The following ACTR3C variants were observed in gnomAD, a reference collection of about 807,000 sequenced individuals.
The protein encoded by ACTR3C is actin related protein 3C, also known as actin-related protein 3C.
ACTR3C carries 18 observed loss-of-function variants against 26.3 expected under a neutral mutation model. The observed-to-expected ratio is 0.68, with a 90% CI of 0.47 to 1.01. The LOEUF (loss-of-function observed/expected upper bound fraction) is 1.01, where lower values mean the gene tolerates loss of function less well. Among genes scored for constraint, ACTR3C ranks in the 50% least tolerant of loss-of-function variants. The pLI, the probability that ACTR3C is intolerant of heterozygous loss-of-function variation, is 0.00. For synonymous variants in ACTR3C, 55 were observed against 94.5 expected (o/e 0.58, Z 2.42); for missense variants, 184 against 250.7 (o/e 0.73, Z 1.80).
chr7:150,209,206 C>CAGAGAG, the ACTR3C span, among the ~76,000 whole-genome samples: 19 of 136,234 alleles, frequency 1.4e-4, no homozygotes, highest in East Asian at 2.2e-3. Flanking sequence ...CACACACATA[C>CAGAGAG]AGAGAGAGAG....
the ACTR3C span, among the ~76,000 whole-genome samples, chr7:150,149,118 TA>T: frequency 8.8e-6 from 1 of 114,162 alleles, no homozygotes; most frequent in Non-Finnish European, 1.9e-5. Context: ...TATATATATA[TA>T]TATATATGCA....
downstream of ACTR3C, chr7:150,244,503 AG>A (rs1212513345): frequency 6.6e-6 from 1 of 152,020 alleles, no homozygotes; most frequent in African/African-American, 2.4e-5. Context: ...ATAATTGATT[AG>A]TTCCTGTTAG....
chr7:150,180,253 C>G, the ACTR3C span, among the ~76,000 whole-genome samples: 6 of 145,540 alleles, frequency 4.1e-5, no homozygotes, highest in African/African-American at 1.6e-4. Context: ...TGCAGTGAGC[C>G]GAGATCGCGC....
At chr7:149,995,624 C>A in the ACTR3C span, among the ~76,000 whole-genome samples, 2 of 152,240 alleles carry the variant, frequency 1.3e-5, no homozygotes, top group Admixed American at 1.3e-4. Context: ...ACAGGATGAA[C>A]AACTGATCTG....
the ACTR3C span, among the ~76,000 whole-genome samples, chr7:150,068,464 A>G: frequency 1.1e-3 from 169 of 152,144 alleles, 6 homozygotes; most frequent in South Asian, 0.034. Context: ...CAGATATCCA[A>G]TTTTGAGTTT....
the ACTR3C span, among the ~76,000 whole-genome samples, chr7:150,223,236 G>T: frequency 2.0e-5 from 3 of 152,076 alleles, no homozygotes; most frequent in South Asian, 4.2e-4. Flanking sequence ...TCATGTTTTT[G>T]CATGTCTCAG....
the ACTR3C span, among the ~76,000 whole-genome samples, chr7:149,895,412 G>T: frequency 6.6e-6 from 1 of 152,126 alleles, no homozygotes; most frequent in Non-Finnish European, 1.5e-5. Flanking sequence ...CCACAAAAAT[G>T]ATGACTATAT....
chr7:150,262,344 C>G (rs1233046376), intron 6 of ACTR3C, among the ~76,000 whole-genome samples: 2 of 152,244 alleles, frequency 1.3e-5, no homozygotes, highest in Admixed American at 1.3e-4. Flanking sequence ...GCCTTGTCAA[C>G]TTAGACATAG....
the ACTR3C span, among the ~76,000 whole-genome samples, chr7:150,019,084 A>G: frequency 1.3e-5 from 2 of 150,464 alleles, no homozygotes; most frequent in East Asian, 3.8e-4. Context: ...TGACAACACA[A>G]CTACTTTCAG....
At chr7:150,250,207 T>TC (rs1832738981) in intron 6 of ACTR3C, among the ~76,000 whole-genome samples, 2 of 139,032 alleles carry the variant, frequency 1.4e-5, no homozygotes, top group Admixed American at 6.7e-5. Flanking sequence ...TCTGACTTTT[T>TC]TTTTTTTTTT....
the ACTR3C span, among the ~76,000 whole-genome samples, chr7:150,095,021 G>A: frequency 3.3e-5 from 4 of 120,950 alleles, no homozygotes; most frequent in South Asian, 2.6e-4. Context: ...CACAATCCCC[G>A]AGGTCCAGCC....
the ACTR3C span, among the ~76,000 whole-genome samples, chr7:150,058,887 C>A: frequency 2.0e-5 from 3 of 152,106 alleles, no homozygotes; most frequent in African/African-American, 7.2e-5. Context: ...TCACTGCACT[C>A]CAGCCTGGCC....
chr7:149,929,723 G>T, the ACTR3C span, among the ~76,000 whole-genome samples: 70,788 of 151,532 alleles, frequency 0.47, 16,621 homozygotes, highest in South Asian at 0.55. Context: ...TAGAGACGGG[G>T]TTTCACCATG....
the ACTR3C span, among the ~76,000 whole-genome samples, chr7:150,003,353 T>TA: frequency 6.6e-6 from 1 of 151,982 alleles, no homozygotes; most frequent in Admixed American, 6.6e-5. Flanking sequence ...GAATGTGTGG[T>TA]ATGTGGTGTG....
intron 1 of ACTR3C, among the ~76,000 whole-genome samples, chr7:150,310,522 T>A (rs1796213291): frequency 6.6e-6 from 1 of 152,082 alleles, no homozygotes; most frequent in Non-Finnish European, 1.5e-5. Flanking sequence ...TTCCCAACCA[T>A]CCTGTTGTGT....
chr7:149,991,827 C>T, the ACTR3C span, among the ~76,000 whole-genome samples: 1 of 152,216 alleles, frequency 6.6e-6, no homozygotes, highest in African/African-American at 2.4e-5. Flanking sequence ...ACCTCCTGAG[C>T]TTAAGCGTTC....
At chr7:150,134,648 C>T in the ACTR3C span, among the ~76,000 whole-genome samples, 53 of 152,400 alleles carry the variant, frequency 3.5e-4, no homozygotes, top group African/African-American at 1.2e-3. Flanking sequence ...AGAAGCTTTT[C>T]GACGCCACCA....
chr7:150,312,653 GACTA>G (rs1434865618), intron 1 of ACTR3C, among the ~76,000 whole-genome samples: 1 of 152,114 alleles, frequency 6.6e-6, no homozygotes, highest in African/African-American at 2.4e-5. Context: ...AAACTTACTA[GACTA>G]ACTCATTATA....
chr7:150,067,523 C>T, the ACTR3C span, among the ~76,000 whole-genome samples: 2 of 152,162 alleles, frequency 1.3e-5, no homozygotes, highest in Non-Finnish European at 2.9e-5. Flanking sequence ...GGTGTCCGAA[C>T]CTCTGGACTC....
Sources: gnomAD v4.1 joint callset for allele counts (sites outside exome capture counted in the v4.1 genomes callset) on GRCh38, gnomAD v4.1.1 for gene constraint, MANE v1.5 for transcripts, NCBI Gene and HGNC (gene_info 2026-07-23, HGNC 2026-07-21) for gene names.